NUP188: variants seen among roughly 807,000 people sequenced by gnomAD.
NUP188 encodes the protein nucleoporin NUP188.
NUP188 carries 97 observed loss-of-function variants against 223.0 expected under a neutral mutation model. That is an observed-to-expected ratio of 0.43 (90% CI 0.37 to 0.51). The LOEUF (loss-of-function observed/expected upper bound fraction) is 0.51. Ranked by LOEUF, NUP188 falls within the 20% of genes least tolerant of loss-of-function variation. The pLI is 0.00. For missense variants in NUP188, 1,947 were observed against 2,175.6 expected (o/e 0.89, Z 2.09); for synonymous variants, 869 against 828.0 (o/e 1.05, Z -0.85).
chr9:128,998,356 G>A, intron 31 of NUP188, 128 bp downstream of exon 31: 1 of 1,033,322 alleles, frequency 9.7e-7, no homozygotes, highest in Non-Finnish European at 1.5e-6. Context: ...TGGCCTGGGA[G>A]GCCTGAGACT....
intron 20 of NUP188, 103 bp from the exon 21 acceptor site, chr9:128,986,455 A>G: frequency 1.6e-6 from 2 of 1,227,568 alleles, no homozygotes; most frequent in Admixed American, 2.5e-5. Flanking sequence ...AGGTTTGCCT[A>G]GATTTCCTTT....
intron 2 of NUP188, 105 bp downstream of exon 2, chr9:128,949,348 T>C (rs1234441928): frequency 2.5e-6 from 2 of 787,172 alleles, no homozygotes; most frequent in Non-Finnish European, 4.3e-6. Flanking sequence ...TTTATTTATT[T>C]AGAGACAGAG....
intron 8 of NUP188, 82 bp from the exon 9 acceptor site, chr9:128,968,424 C>G: frequency 9.4e-7 from 1 of 1,067,192 alleles, no homozygotes. Context: ...AGATTGAGAC[C>G]CTTTCTTTAA....
At position 128,979,867 on chromosome 9, in the gene NUP188, C is replaced by T. The variant is rs191956443; in HGVS notation, c.1269+540C>T. Reference sequence around the variant, plus strand: ...CAGGCTGGTCTCGATCTCCTGACCTCGTGATCTGCCAGCCTCGGCCTCCCA... The same window carrying T: ...CAGGCTGGTCTCGATCTCCTGACCTTGTGATCTGCCAGCCTCGGCCTCCCA... On this transcript the variant is annotated intron_variant, in intron 13 of 43. Transcript: ENST00000372577. Among the ~76,000 whole-genome samples the T allele has an allele frequency of 8.3e-4, 126 of 152,234 alleles. 2 individuals are homozygous for T. The East Asian group carries it at 0.022, about 27-fold the overall frequency.
intron 24 of NUP188, among the ~76,000 whole-genome samples, chr9:128,989,003 C>T (rs1261672783): frequency 6.6e-6 from 1 of 152,058 alleles, no homozygotes; most frequent in Non-Finnish European, 1.5e-5. Flanking sequence ...GACTTGCCCT[C>T]TTTGGCCTCC....
At chr9:128,954,216 C>G (rs1841836702) in intron 3 of NUP188, among the ~76,000 whole-genome samples, 1 of 151,762 alleles carries the variant, frequency 6.6e-6, no homozygotes, top group African/African-American at 2.4e-5. Flanking sequence ...GTGACAATGT[C>G]TTAGTCTTTT....
chr9:128,998,518 G>T lies in NUP188; in HGVS notation c.3430-20G>T, dbSNP rs761246716. The T allele has an allele frequency of 6.2e-7, 1 of 1,606,714 alleles. No homozygotes were observed. Among genetic ancestry groups the T allele is most frequent in the Non-Finnish European group, 8.5e-7 (1 of 1,173,352 alleles). ...CGAATCTTTCCACTGACTTCTGACTGGTGTGCTGTCTCCTTTCAGCTCCTA... is the reference window on the plus strand; with the variant it reads ...CGAATCTTTCCACTGACTTCTGACTTGTGTGCTGTCTCCTTTCAGCTCCTA... On this transcript the variant is annotated intron_variant, in intron 31 of 43. Transcript: ENST00000372577.
intron 8 of NUP188, among the ~76,000 whole-genome samples, chr9:128,961,512 AAAATAAAT>A (rs536720682): frequency 7.9e-5 from 12 of 151,706 alleles, no homozygotes; most frequent in Middle Eastern, 3.4e-3. Flanking sequence ...CTCTGTCTCA[AAAATAAAT>A]AAATAAATAA....
intron 8 of NUP188, among the ~76,000 whole-genome samples, chr9:128,963,502 C>T (rs1176205464): frequency 7.9e-6 from 1 of 126,812 alleles, no homozygotes; most frequent in Non-Finnish European, 1.7e-5. Context: ...CCATGCCCAG[C>T]CGTAAATGAA....
intron 3 of NUP188, among the ~76,000 whole-genome samples, chr9:128,955,671 C>G (rs1046361703): frequency 6.6e-6 from 1 of 151,636 alleles, no homozygotes; most frequent in Non-Finnish European, 1.5e-5. Context: ...CATCTCCTAC[C>G]GAAAGGACTT....
Position 128,999,293 on chromosome 9 carries a change from G to A in NUP188, c.3637G>A (p.Val1213Met), listed in dbSNP as rs1842593921. The change falls in exon 33 of 44, where the codon GTG becomes ATG. Residue 1213 changes from valine (V) to methionine (M), a missense_variant. By Grantham distance (21) the Val-to-Met change is conservative. Coordinates refer to ENST00000372577, the MANE Select transcript of NUP188 (RefSeq NM_015354.3). The stretch of plus-strand genomic sequence containing the variant: ...CAAGGTGTTCTCAGCATTCATCACA[G>A]TGTTGCAAATGAAGGAGATGAAAGG... ...KAKVFSAFIT[V>M]LQMKEMKVSD... 1 of 1,614,202 alleles carries A rather than the reference G, an allele frequency of 6.2e-7. No individual in the cohort carries two copies. Among genetic ancestry groups the A allele is most frequent in the East Asian group, 2.2e-5 (1 of 44,884 alleles).
chr9:128,969,336 A>C (rs1480338689), intron 9 of NUP188, 64 bp from the exon 10 acceptor site: 2 of 1,010,134 alleles, frequency 2.0e-6, no homozygotes. Flanking sequence ...CTTATATCTC[A>C]CCTTTGTCTC....
intron 6 of NUP188, 106 bp downstream of exon 6, chr9:128,958,160 A>G: frequency 2.4e-6 from 2 of 821,098 alleles, no homozygotes; most frequent in South Asian, 3.1e-5. Context: ...TTGGGTAAGC[A>G]TGGAGGTCTT....
At chr9:128,951,064 C>G (rs1841776430) in intron 2 of NUP188, among the ~76,000 whole-genome samples, 2 of 152,102 alleles carry the variant, frequency 1.3e-5, no homozygotes. Context: ...GTAATCCCAG[C>G]ACTTTGGGAG....
rs535983211 is a variant in NUP188, at chr9:128,997,063, G to A, written c.3352-1088G>A. 4.6e-5 allele frequency among the ~76,000 whole-genome samples: 7 copies of A among 152,310 alleles called. No individual in the cohort carries two copies. The East Asian group carries it at 1.3e-3, about 29-fold the overall frequency. ...TTGCTGTGAAGGAAATAATTAAAGTGCTGTGGTAATGAACACATGAGATAG... is the reference window on the plus strand; with the variant it reads ...TTGCTGTGAAGGAAATAATTAAAGTACTGTGGTAATGAACACATGAGATAG... On this transcript the variant is annotated intron_variant, in intron 30 of 43. Transcript: ENST00000372577.
At chr9:128,995,176 TA>T in intron 29 of NUP188, 142 bp from the exon 30 acceptor site, 1 of 681,018 alleles carries the variant, frequency 1.5e-6, no homozygotes, top group Non-Finnish European at 2.6e-6. Flanking sequence ...GGCCTCAGCC[TA>T]ACCCACACGT....
rs968192514 is a variant in NUP188 at position 128,984,132 on chromosome 9, T to G, written c.1961+582T>G. ...CCACCGCGCCTGGCCTGATTTTTTTTTTTTTTTTTTTGAGATGGAGTTGCG... is the reference window on the plus strand; with the variant it reads ...CCACCGCGCCTGGCCTGATTTTTTTGTTTTTTTTTTTGAGATGGAGTTGCG... On this transcript the variant is annotated intron_variant, in intron 19 of 43. Coordinates refer to ENST00000372577, the MANE Select transcript of NUP188 (RefSeq NM_015354.3). Among the ~76,000 whole-genome samples, 14 of 141,632 alleles carry G rather than the reference T, an allele frequency of 9.9e-5. 1 individual carries two copies. The highest frequency in any genetic ancestry group is 1.6e-4 in the Non-Finnish European group (11 of 66,724). 92.9% of individuals were successfully genotyped at this position (141,632 alleles called of 152,430 possible). A position where few individuals can be genotyped will look rare whatever the true frequency, so the allele number is the denominator to read the frequency against.
chr9:128,962,929 G>C (rs1280331554), intron 8 of NUP188, among the ~76,000 whole-genome samples: 2 of 152,102 alleles, frequency 1.3e-5, no homozygotes, highest in African/African-American at 4.8e-5. Flanking sequence ...TTAAGTAACT[G>C]TGACTATACT....
chr9:128,953,877 C>G (rs1402883961), intron 3 of NUP188, among the ~76,000 whole-genome samples: 1 of 151,826 alleles, frequency 6.6e-6, no homozygotes, highest in East Asian at 1.9e-4. Flanking sequence ...GTCGCCCAGA[C>G]TGGAGTGCAG....
Sources: allele counts gnomAD v4.1 joint callset (sites outside exome capture counted in the v4.1 genomes callset), GRCh38; gene constraint gnomAD v4.1.1; transcripts MANE v1.5; gene names NCBI Gene and HGNC (gene_info 2026-07-23, HGNC 2026-07-21).